Variants in RAP1A observed in about 807,000 individuals in gnomAD.
RAP1A encodes ras-related protein Rap-1A.
A neutral mutation model predicts 26.4 loss-of-function variants in RAP1A; 6 were observed. The observed-to-expected ratio is 0.23, with a 90% CI of 0.12 to 0.45. The LOEUF (loss-of-function observed/expected upper bound fraction) is 0.45. RAP1A is among the 20% of genes least tolerant of loss of function. RAP1A has a pLI of 0.99. For missense variants in RAP1A, 121 were observed against 217.2 expected, an observed-to-expected ratio of 0.56 and a Z score of 2.78; for synonymous variants, 73 against 79.4, an observed-to-expected ratio of 0.92 and a Z score of 0.43.
chr1:111,544,780 C>T (rs2101028398), intron 1 of RAP1A, among the ~76,000 whole-genome samples: 2 of 149,734 alleles, frequency 1.3e-5, no homozygotes, highest in East Asian at 4.0e-4. Context: ...TGGTACATAC[C>T]CAATTTCTTG....
chr1:111,638,509 A>G (rs955967864), intron 1 of RAP1A, among the ~76,000 whole-genome samples: 1 of 152,080 alleles, frequency 6.6e-6, no homozygotes, highest in African/African-American at 2.4e-5. Flanking sequence ...TGGCAGGGTC[A>G]CGGCTTATCC....
chr1:111,547,846 A>G (rs1237937628), intron 1 of RAP1A, among the ~76,000 whole-genome samples: 1 of 152,204 alleles, frequency 6.6e-6, no homozygotes, highest in African/African-American at 2.4e-5. Flanking sequence ...TTTTTCTGCT[A>G]AAGCTTTGTC....
chr1:111,560,278 C>G (rs1330414232), intron 1 of RAP1A, among the ~76,000 whole-genome samples: 1 of 152,030 alleles, frequency 6.6e-6, no homozygotes, highest in Non-Finnish European at 1.5e-5. Flanking sequence ...CAATCGTTCT[C>G]AGCCTTTTGG....
chr1:111,698,344 A>G (rs910245988), intron 4 of RAP1A, among the ~76,000 whole-genome samples: 3 of 152,134 alleles, frequency 2.0e-5, no homozygotes, highest in Admixed American at 1.3e-4. Context: ...GTGCAATCAT[A>G]GTTCACCGCA....
intron 1 of RAP1A, chr1:111,649,380 A>G: frequency 2.6e-6 from 1 of 379,412 alleles, no homozygotes; most frequent in South Asian, 2.3e-5. Flanking sequence ...CCATCCCTGC[A>G]GCCAGACCCC....
At chr1:111,648,291 T>C in intron 1 of RAP1A, 1 of 1,000,556 alleles carries the variant, frequency 1.0e-6, no homozygotes, top group Non-Finnish European at 1.5e-6. Flanking sequence ...GCTGGCTTAA[T>C]TCTCAGAACT....
chr1:111,693,211 C>G (rs945374418), intron 2 of RAP1A, among the ~76,000 whole-genome samples: 1 of 152,042 alleles, frequency 6.6e-6, no homozygotes, highest in African/African-American at 2.4e-5. Flanking sequence ...ATAAAGGAAG[C>G]AGCTTTAGTC....
chr1:111,614,482 G>A (rs143910988), intron 1 of RAP1A, among the ~76,000 whole-genome samples: 2 of 152,138 alleles, frequency 1.3e-5, no homozygotes, highest in African/African-American at 4.8e-5. Context: ...GGTCCTAGAA[G>A]TGTCTATGCT....
At position 111,543,137 on chromosome 1, in the gene RAP1A, C is replaced by T. The variant is rs183990816; in HGVS notation, c.-28+628C>T. Among the ~76,000 whole-genome samples the T allele has an allele frequency of 4.6e-5, 7 of 152,274 alleles. No individual in the cohort carries two copies. In the East Asian group the frequency reaches 9.6e-4, roughly 21 times the overall value. ...ACACAGACACATACACAGAGAGACA[C>T]ACACACAGCGCAGGTGACAGCTCTT... On this transcript the variant is annotated intron_variant, in intron 1 of 7. Coordinates refer to the RAP1A transcript ENST00000356415.
intron 1 of RAP1A, among the ~76,000 whole-genome samples, chr1:111,570,026 C>T (rs140785043): frequency 3.9e-5 from 6 of 152,340 alleles, no homozygotes; most frequent in Admixed American, 3.3e-4. Flanking sequence ...TATGTCCTGA[C>T]TGTGTAGAGA....
intron 7 of RAP1A, among the ~76,000 whole-genome samples, chr1:111,710,750 G>T (rs770238635): frequency 1.3e-5 from 2 of 152,198 alleles, no homozygotes; most frequent in African/African-American, 4.8e-5. Flanking sequence ...AGGGCCTAGG[G>T]ATTATCTCTG....
chr1:111,554,039 A>C (rs550348782), intron 1 of RAP1A, among the ~76,000 whole-genome samples: 1 of 152,398 alleles, frequency 6.6e-6, no homozygotes, highest in South Asian at 2.1e-4. Context: ...TGGAATGGTT[A>C]CGTGCATATG....
At chr1:111,691,225 A>T in intron 1 of RAP1A, 109 bp from the exon 2 acceptor site, 1 of 579,876 alleles carries the variant, frequency 1.7e-6, no homozygotes, top group Non-Finnish European at 2.8e-6. Context: ...TCCCTTTGAT[A>T]GTCTTACAAG....
At chr1:111,669,903 A>G (rs1375715590) in intron 1 of RAP1A, among the ~76,000 whole-genome samples, 1 of 152,222 alleles carries the variant, frequency 6.6e-6, no homozygotes, top group Non-Finnish European at 1.5e-5. Context: ...GACAACACAG[A>G]TCACTTTCAA....
intron 2 of RAP1A, among the ~76,000 whole-genome samples, chr1:111,694,648 T>C (rs545260512): frequency 8.6e-4 from 131 of 152,340 alleles, no homozygotes; most frequent in African/African-American, 3.0e-3. Context: ...ATCAGGAAGA[T>C]GTATGTTTGA....
intron 1 of RAP1A, among the ~76,000 whole-genome samples, chr1:111,690,380 A>G (rs1476416969): frequency 6.6e-6 from 1 of 152,134 alleles, no homozygotes; most frequent in Non-Finnish European, 1.5e-5. Flanking sequence ...TTGGCCACAG[A>G]CTCAAGTGAA....
At chr1:111,548,974 A>G (rs922947219) in intron 1 of RAP1A, among the ~76,000 whole-genome samples, 1 of 152,222 alleles carries the variant, frequency 6.6e-6, no homozygotes, top group African/African-American at 2.4e-5. Flanking sequence ...AGTTCATTTT[A>G]GTGCAAAAAA....
At chr1:111,580,283 A>T (rs1213357675) in intron 1 of RAP1A, among the ~76,000 whole-genome samples, 1 of 152,222 alleles carries the variant, frequency 6.6e-6, no homozygotes, top group Non-Finnish European at 1.5e-5. Context: ...AAATATTTGC[A>T]TCGCCAGGAT....
rs183981334 is a variant in RAP1A at position 111,562,509 on chromosome 1, G to C, written c.-28+20000G>C. 1.1e-4 allele frequency among the ~76,000 whole-genome samples: 17 copies of C among 152,316 alleles called. No homozygotes were observed. In the East Asian group the frequency reaches 3.3e-3, roughly 29 times the overall value. On this transcript the variant is annotated intron_variant, in intron 1 of 7. Transcript: ENST00000356415. Reference sequence around the variant, plus strand: ...ATTTCCTGAACAAAAATCAAAATGTGTGGTCTGAAAATGTGACAGATGATT... The same window carrying C: ...ATTTCCTGAACAAAAATCAAAATGTCTGGTCTGAAAATGTGACAGATGATT...
Sources: allele counts gnomAD v4.1 joint callset (sites outside exome capture counted in the v4.1 genomes callset), GRCh38; gene constraint gnomAD v4.1.1; transcripts MANE v1.5; gene names NCBI Gene and HGNC (gene_info 2026-07-23, HGNC 2026-07-21).